Variants in SHROOM4 observed in about 807,000 individuals in gnomAD.
The protein encoded by SHROOM4 is protein Shroom4.
In SHROOM4, 17 loss-of-function variants were observed where a neutral mutation model predicts 80.3. That is an observed-to-expected ratio of 0.21 (90% CI 0.14 to 0.32). The LOEUF (loss-of-function observed/expected upper bound fraction) is 0.32, where lower values mean the gene tolerates loss of function less well. Among genes scored for constraint, SHROOM4 ranks in the 10% least tolerant of loss-of-function variants. The pLI, the probability that SHROOM4 is intolerant of heterozygous loss-of-function variation, is 1.00. For synonymous variants in SHROOM4, 400 were observed against 437.5 expected (o/e 0.91, Z 1.07); for missense variants, 993 against 1,140.3 (o/e 0.87, Z 1.86).
intron 1 of SHROOM4, among the ~76,000 whole-genome samples, chrX:50,780,616 G>A (rs185730336): frequency 3.2e-4 from 36 of 111,240 alleles, no homozygotes; most frequent in Non-Finnish European, 5.5e-4. Flanking sequence ...ATGTCTTCAG[G>A]GGATTTCATA....
At chrX:50,775,413 C>T (rs1316998063) in intron 1 of SHROOM4, among the ~76,000 whole-genome samples, 2 of 111,091 alleles carry the variant, frequency 1.8e-5, no homozygotes, top group Admixed American at 9.6e-5. Context: ...TACTCAGGAG[C>T]GAAGAATCCT....
At position 50,607,672 on chromosome X, in the gene SHROOM4, T is replaced by TC. The variant is rs781820030; in HGVS notation, c.3469dup (p.Glu1157GlyfsTer21). Reference sequence around the variant, plus strand: ...ACTGAAATACTGGGGTGGCAGCTCCTCTTCCTCCTCCTCTGCCTCCTCCTC... The same window carrying TC: ...ACTGAAATACTGGGGTGGCAGCTCCTCCTTCCTCCTCCTCTGCCTCCTCCTC... On this transcript the variant is annotated frameshift_variant, in exon 6 of 9. Transcript: ENST00000376020. LOFTEE classifies it high-confidence loss of function. The TC allele has an allele frequency of 8.3e-6, 9 of 1,085,552 alleles. No individual in the cohort carries two copies. Among genetic ancestry groups the TC allele is most frequent in the South Asian group, 2.2e-5 (1 of 44,572 alleles). The allele number at this position is 1,085,552 out of a possible 1,213,427, so 89.5% of individuals were successfully genotyped here.
intron 2 of SHROOM4, among the ~76,000 whole-genome samples, chrX:50,644,708 T>C (rs1047386298): frequency 4.4e-5 from 5 of 112,417 alleles, no homozygotes; most frequent in Non-Finnish European, 9.4e-5. Flanking sequence ...TCTGGGGAAA[T>C]CATGCCTGGA....
chrX:50,772,923 C>T lies in SHROOM4; in HGVS notation c.117+40979G>A, dbSNP rs1935428193. 3.6e-5 allele frequency among the ~76,000 whole-genome samples: 4 copies of T among 112,078 alleles called. No homozygotes were observed. In the Admixed American group the frequency reaches 3.8e-4, roughly 11 times the overall value. Reference sequence around the variant, plus strand: ...CAGGCCCATTCACCTGAGAGGCTTACTTGAGAACAAACTCCAAGTTGAAAT... The same window carrying T: ...CAGGCCCATTCACCTGAGAGGCTTATTTGAGAACAAACTCCAAGTTGAAAT... On this transcript the variant is annotated intron_variant, in intron 1 of 8. Coordinates refer to ENST00000376020, the MANE Select transcript of SHROOM4 (RefSeq NM_020717.5).
intron 2 of SHROOM4, among the ~76,000 whole-genome samples, chrX:50,677,100 C>G (rs1932864227): frequency 9.0e-6 from 1 of 111,254 alleles, no homozygotes; most frequent in African/African-American, 3.3e-5. Context: ...GAGTTTCCCA[C>G]TAGTTAGCTC....
intron 2 of SHROOM4, among the ~76,000 whole-genome samples, chrX:50,670,949 A>G (rs1557260774): frequency 8.9e-6 from 1 of 111,751 alleles, no homozygotes; most frequent in East Asian, 2.8e-4. Flanking sequence ...CCACTTTTTG[A>G]TAAATAATAA....
rs1222543867 is a variant in SHROOM4, at chrX:50,763,693, A to G, written c.117+50209T>C. 2.9e-4 allele frequency among the ~76,000 whole-genome samples: 32 copies of G among 111,424 alleles called. No homozygotes were observed. The Admixed American group carries it at 3.1e-3, about 11-fold the overall frequency. ...AGTATAACTTAATATTTACCTAGTG[A>G]TTGGTCAGAATTGTGCTTATGCCCC... is the stretch of plus-strand genomic sequence containing the variant. On this transcript the variant is annotated intron_variant, in intron 1 of 8. Transcript: ENST00000376020.
At chrX:50,766,226 A>G (rs901512626) in intron 1 of SHROOM4, among the ~76,000 whole-genome samples, 4 of 111,150 alleles carry the variant, frequency 3.6e-5, no homozygotes, top group Non-Finnish European at 7.5e-5. Flanking sequence ...CTTGCTTCTA[A>G]CCTTTTTAAT....
At chrX:50,741,836 T>C (rs1462459221) in intron 1 of SHROOM4, among the ~76,000 whole-genome samples, 1 of 111,173 alleles carries the variant, frequency 9.0e-6, no homozygotes, top group Admixed American at 9.6e-5. Flanking sequence ...TATTACTTCA[T>C]CTAGTGAAAT....
At chrX:50,604,272 C>T (rs1929572168) in intron 6 of SHROOM4, among the ~76,000 whole-genome samples, 1 of 111,949 alleles carries the variant, frequency 8.9e-6, no homozygotes, top group Non-Finnish European at 1.9e-5. Flanking sequence ...TAGATACATG[C>T]ACACATAGGT....
chrX:50,704,610 T>C (rs1275183228), intron 1 of SHROOM4, among the ~76,000 whole-genome samples: 1 of 111,701 alleles, frequency 9.0e-6, no homozygotes, highest in Non-Finnish European at 1.9e-5. Context: ...AGAGTACACA[T>C]AGCCAACATT....
intron 1 of SHROOM4, among the ~76,000 whole-genome samples, chrX:50,704,311 CTGTT>C (rs1447758497): frequency 1.8e-5 from 2 of 112,257 alleles, no homozygotes. Context: ...TTCCACCAGA[CTGTT>C]AGAGAGTGAT....
chrX:50,741,543 G>T (rs1557267202), intron 1 of SHROOM4, among the ~76,000 whole-genome samples: 1 of 110,520 alleles, frequency 9.0e-6, no homozygotes, highest in African/African-American at 3.3e-5. Context: ...TCCCATAAGT[G>T]TATACAATTA....
intron 1 of SHROOM4, among the ~76,000 whole-genome samples, chrX:50,707,978 A>C (rs1933720405): frequency 9.0e-6 from 1 of 111,477 alleles, no homozygotes; most frequent in Admixed American, 9.5e-5. Context: ...GCCCTCCCAA[A>C]TCACTTGAGT....
chrX:50,638,210 G>A lies in SHROOM4; in HGVS notation c.368C>T (p.Ala123Val). 8.3e-7 allele frequency: 1 copy of A among 1,209,047 alleles called. No individual in the cohort carries two copies. ...AATTMHFPSE[A>V]FSLSWHSGCN... ...GCCAGAATGCCAGGACAAGCTGAAG[G>A]CTTCAGAAGGGAAATGCATGGTGGT... The change falls in exon 3 of 9, where the codon GCC becomes GTC. Residue 123 changes from alanine to valine, a missense_variant. Physicochemically the swap from Ala to Val is moderately conservative, Grantham distance 64 (BLOSUM62 0). Coordinates refer to ENST00000376020, the MANE Select transcript of SHROOM4 (RefSeq NM_020717.5).
intron 1 of SHROOM4, among the ~76,000 whole-genome samples, chrX:50,811,986 GC>G (rs1251570533): frequency 3.6e-5 from 4 of 109,983 alleles, no homozygotes; most frequent in Non-Finnish European, 7.6e-5. Flanking sequence ...ATTGCTGGCT[GC>G]CCCATACTTA....
At chrX:50,687,604 A>T (rs1157629304) in intron 2 of SHROOM4, among the ~76,000 whole-genome samples, 1 of 110,820 alleles carries the variant, frequency 9.0e-6, no homozygotes, top group African/African-American at 3.3e-5. Flanking sequence ...TGACAACAAC[A>T]AAGACAGGAC....
At chrX:50,719,948 T>C (rs1432359663) in intron 1 of SHROOM4, among the ~76,000 whole-genome samples, 1 of 112,335 alleles carries the variant, frequency 8.9e-6, no homozygotes, top group Non-Finnish European at 1.9e-5. Context: ...TGGTTCCAAA[T>C]GGTATATTTT....
the SHROOM4 span, among the ~76,000 whole-genome samples, chrX:50,581,321 A>C: frequency 3.1e-3 from 344 of 112,172 alleles, no homozygotes; most frequent in Non-Finnish European, 4.2e-3. Flanking sequence ...TGTATACTGG[A>C]ATTTCAATAT....
Sources: allele counts gnomAD v4.1 joint callset (sites outside exome capture counted in the v4.1 genomes callset), GRCh38; gene constraint gnomAD v4.1.1; transcripts MANE v1.5; gene names NCBI Gene and HGNC (gene_info 2026-07-23, HGNC 2026-07-21).